ABCA10: variants seen among roughly 807,000 people sequenced by gnomAD.
The protein encoded by ABCA10 is ATP binding cassette subfamily A member 10.
ABCA10 carries 169 observed loss-of-function variants against 187.5 expected under a neutral mutation model. That is an observed-to-expected ratio of 0.90 (90% confidence interval 0.80 to 1.02). ABCA10 has a LOEUF of 1.02. ABCA10 is among the 50% of genes least tolerant of loss of function. ABCA10 has a pLI of 0.00. For synonymous variants in ABCA10, 574 were observed against 601.8 expected (o/e 0.95, Z 0.68); for missense variants, 1,727 against 1,812.4 (o/e 0.95, Z 0.86).
chr17:69,184,202 G>A (rs2144792481), intron 20 of ABCA10, among the ~76,000 whole-genome samples: 1 of 152,212 alleles, frequency 6.6e-6, no homozygotes, highest in East Asian at 1.9e-4. Flanking sequence ...CCCTGTCCAA[G>A]TACAGTCTAA....
At chr17:69,162,838 C>CATATACATATATATATATATATAT (rs375141032) in intron 27 of ABCA10, among the ~76,000 whole-genome samples, 1 of 120,836 alleles carries the variant, frequency 8.3e-6, no homozygotes, top group African/African-American at 3.7e-5. Flanking sequence ...TATACATATA[C>CATATACATATATATATATATATAT]ATATATATAT....
intron 25 of ABCA10, among the ~76,000 whole-genome samples, chr17:69,166,804 C>A (rs575467932): frequency 6.6e-6 from 1 of 152,120 alleles, no homozygotes; most frequent in Non-Finnish European, 1.5e-5. Context: ...TCTGCCTGAA[C>A]GCATTTTTAA....
chr17:69,175,476 G>C lies in ABCA10; in HGVS notation c.2807C>G (p.Ser936Cys). 2 of 1,611,346 alleles carry C rather than the reference G, an allele frequency of 1.2e-6. No individual in the cohort carries two copies. The highest frequency in any genetic ancestry group is 1.7e-6 in the Non-Finnish European group (2 of 1,178,352). ...IVLDLGFIDG[S>C]IFLLLITNCV... ...GTTTGTGATCAACAACAAAAATATG[G>C]ACCCATCTATAAAACCAAGATCCAG... is the stretch of plus-strand genomic sequence containing the variant. The change falls in exon 23 of 39, where the codon TCC becomes TGC. Residue 936 changes from serine to cysteine, a missense_variant. Transcript: ENST00000690296.
intron 3 of ABCA10, 72 bp downstream of exon 3, chr17:69,225,253 A>G: frequency 2.6e-6 from 4 of 1,544,576 alleles, no homozygotes; most frequent in Non-Finnish European, 3.6e-6. Flanking sequence ...CTAGGTAAGT[A>G]AATTCAACCT....
chr17:69,172,524 C>T (rs2074305651), intron 25 of ABCA10, among the ~76,000 whole-genome samples: 1 of 152,080 alleles, frequency 6.6e-6, no homozygotes, highest in African/African-American at 2.4e-5. Flanking sequence ...ATAGCTTGAC[C>T]GTGGACTTCT....
Position 69,185,766 on chromosome 17 carries a change from T to C in ABCA10, c.2331-123A>G, listed in dbSNP as rs1017603277. Reference sequence around the variant, plus strand: ...CATGCATATGTGGTGTTTAGTTAGATAAAATGAAACATACAGTGACAGTAA... The same window carrying C: ...CATGCATATGTGGTGTTTAGTTAGACAAAATGAAACATACAGTGACAGTAA... On this transcript the variant is annotated intron_variant, in intron 19 of 38. Transcript: ENST00000690296. 2.6e-5 allele frequency: 18 copies of C among 692,372 alleles called. No individual in the cohort carries two copies. In the East Asian group the frequency reaches 2.6e-4, roughly 10 times the overall value. 42.9% of individuals were successfully genotyped at this position (692,372 alleles called of 1,614,324 possible). A position where few individuals can be genotyped will look rare whatever the true frequency, so the allele number is the denominator to read the frequency against.
chr17:69,195,373 T>A (rs192680914), intron 11 of ABCA10, among the ~76,000 whole-genome samples: 178 of 151,876 alleles, frequency 1.2e-3, no homozygotes, highest in Non-Finnish European at 2.1e-3. Context: ...AAATATTTTA[T>A]ATATAAATGT....
intron 1 of ABCA10, among the ~76,000 whole-genome samples, chr17:69,242,988 C>G (rs1450118456): frequency 6.6e-6 from 1 of 152,182 alleles, no homozygotes; most frequent in Non-Finnish European, 1.5e-5. Context: ...CCAGTTTAGT[C>G]TTAGAAGGCA....
chr17:69,242,628 C>T (rs1038098293), intron 1 of ABCA10, among the ~76,000 whole-genome samples: 35 of 152,056 alleles, frequency 2.3e-4, no homozygotes, highest in African/African-American at 8.5e-4. Context: ...CCACACCCAG[C>T]TAATTTTATA....
At chr17:69,219,220 G>A (rs994727957) in intron 6 of ABCA10, among the ~76,000 whole-genome samples, 1 of 152,148 alleles carries the variant, frequency 6.6e-6, no homozygotes, top group Admixed American at 6.5e-5. Context: ...GCCAAGCCCA[G>A]ACTAGATCTG....
chr17:69,151,988 AT>A, intron 36 of ABCA10, 54 bp downstream of exon 36: 1 of 1,569,712 alleles, frequency 6.4e-7, no homozygotes, highest in African/African-American at 1.4e-5. Flanking sequence ...AAACTAATTG[AT>A]GCTAATACTG....
At chr17:69,153,157 A>C in intron 34 of ABCA10, 148 bp downstream of exon 34, 2 of 895,222 alleles carry the variant, frequency 2.2e-6, no homozygotes, top group Non-Finnish European at 3.2e-6. Context: ...TTTGAATGCT[A>C]TATTAGGTTT....
chr17:69,192,689 G>A (rs995522333), intron 15 of ABCA10, 36 bp from the exon 16 acceptor site: 1 of 1,525,248 alleles, frequency 6.6e-7, no homozygotes. Flanking sequence ...ATTATGTGAA[G>A]AGTAATTCCT....
Position 69,153,863 on chromosome 17 carries a change from C to T in ABCA10, c.3933G>A (p.Leu1311=). The T allele has an allele frequency of 6.2e-7, 1 of 1,613,948 alleles. No individual in the cohort carries two copies. The highest frequency in any genetic ancestry group is 8.5e-7 in the Non-Finnish European group (1 of 1,179,900). ...TACTGAGAGCAGCATCTTCTTTGCCCAGTCCTTTCACAGCTGCATACAACT... is the reference window on the plus strand; with the variant it reads ...TACTGAGAGCAGCATCTTCTTTGCCTAGTCCTTTCACAGCTGCATACAACT... ...HLELYAAVKG[L]GKEDAALSIS... The change falls in exon 32 of 39, where the codon CTG becomes CTA. Residue 1311 remains leucine (L), a synonymous_variant. Coordinates refer to ENST00000690296, the MANE Select transcript of ABCA10 (RefSeq NM_001377321.1).
chr17:69,161,614 T>C (rs2074218925), intron 27 of ABCA10, among the ~76,000 whole-genome samples: 2 of 152,194 alleles, frequency 1.3e-5, no homozygotes, highest in African/African-American at 4.8e-5. Context: ...GAAAAACCTA[T>C]GTGTGGATTT....
intron 10 of ABCA10, among the ~76,000 whole-genome samples, chr17:69,199,594 A>C (rs546147978): frequency 7.9e-5 from 12 of 152,308 alleles, no homozygotes; most frequent in African/African-American, 2.6e-4. Flanking sequence ...ATTCATATTA[A>C]TGTCATAAGG....
intron 9 of ABCA10, among the ~76,000 whole-genome samples, chr17:69,214,334 T>C (rs1319140911): frequency 2.0e-5 from 3 of 151,776 alleles, no homozygotes; most frequent in Non-Finnish European, 4.4e-5. Flanking sequence ...GCTAAAACGG[T>C]GAAACCCCGT....
intron 5 of ABCA10, among the ~76,000 whole-genome samples, 163 bp from the exon 6 acceptor site, chr17:69,219,934 C>T (rs1011702605): frequency 6.6e-6 from 1 of 152,120 alleles, no homozygotes; most frequent in African/African-American, 2.4e-5. Flanking sequence ...TACCAATTGA[C>T]ATTAATTATA....
chr17:69,188,648 G>T (rs1051087714), intron 18 of ABCA10, among the ~76,000 whole-genome samples: 3 of 151,572 alleles, frequency 2.0e-5, no homozygotes, highest in African/African-American at 7.3e-5. Flanking sequence ...TGTCATCCAG[G>T]TAATCAGCAT....
Sources: gnomAD v4.1 joint callset for allele counts (sites outside exome capture counted in the v4.1 genomes callset) on GRCh38, gnomAD v4.1.1 for gene constraint, MANE v1.5 for transcripts, NCBI Gene and HGNC (gene_info 2026-07-23, HGNC 2026-07-21) for gene names.